RERG: variants seen among roughly 807,000 people sequenced by gnomAD.
RERG encodes ras-related and estrogen-regulated growth inhibitor.
Under a neutral mutation model 23.2 loss-of-function variants are expected in RERG, and 25 were observed. That is an observed-to-expected ratio of 1.08 (90% CI 0.79 to 1.50). RERG has a LOEUF of 1.50. Ranked by LOEUF, RERG falls within the 40% of genes most tolerant of loss-of-function variation. The pLI is 0.00. For missense variants in RERG, 253 were observed against 250.1 expected (o/e 1.01, Z -0.08); for synonymous variants, 81 against 89.1 (o/e 0.91, Z 0.51).
chr12:15,130,537 G>A (rs142397212), intron 2 of RERG, among the ~76,000 whole-genome samples: 335 of 151,532 alleles, frequency 2.2e-3, no homozygotes, highest in Non-Finnish European at 4.0e-3. Flanking sequence ...TCTATTCCCT[G>A]TGAAGGTCAA....
intron 2 of RERG, among the ~76,000 whole-genome samples, chr12:15,171,349 A>C (rs1348738928): frequency 6.6e-6 from 1 of 152,236 alleles, no homozygotes; most frequent in Admixed American, 6.5e-5. Context: ...TGAATGACTA[A>C]TTGAATAAAT....
chr12:15,149,941 A>T (rs1396657187), intron 2 of RERG, among the ~76,000 whole-genome samples: 2 of 152,236 alleles, frequency 1.3e-5, no homozygotes, highest in African/African-American at 4.8e-5. Context: ...ATGGCCTTAG[A>T]ATCCTTCCTT....
intron 2 of RERG, among the ~76,000 whole-genome samples, chr12:15,206,214 C>T (rs1865287895): frequency 6.6e-6 from 1 of 151,994 alleles, no homozygotes; most frequent in Non-Finnish European, 1.5e-5. Flanking sequence ...CAAAATTCAC[C>T]CTTCTATGAT....
At chr12:15,117,675 G>GTGCGCGCACACACACA (rs1555119494) in intron 3 of RERG, among the ~76,000 whole-genome samples, 1 of 145,020 alleles carries the variant, frequency 6.9e-6, no homozygotes, top group African/African-American at 2.8e-5. Flanking sequence ...TCACACACGC[G>GTGCGCGCACACACACA]CACACACACA....
chr12:15,211,956 C>T (rs912350876), intron 2 of RERG, among the ~76,000 whole-genome samples: 3 of 150,816 alleles, frequency 2.0e-5, no homozygotes, highest in Non-Finnish European at 1.5e-5. Flanking sequence ...CTCACATTCA[C>T]GTGGTATGCA....
At chr12:15,159,080 TCTA>T (rs1864565667) in intron 2 of RERG, among the ~76,000 whole-genome samples, 1 of 152,262 alleles carries the variant, frequency 6.6e-6, no homozygotes, top group Non-Finnish European at 1.5e-5. Flanking sequence ...TGTCATTTCT[TCTA>T]CATTTATTGG....
intron 2 of RERG, among the ~76,000 whole-genome samples, chr12:15,160,725 G>A (rs1020819737): frequency 6.6e-6 from 1 of 152,146 alleles, no homozygotes; most frequent in Non-Finnish European, 1.5e-5. Context: ...AAGAATTAAC[G>A]CAGCCCCACA....
intron 3 of RERG, chr12:15,114,447 A>G (rs1863682651): frequency 6.6e-6 from 1 of 152,214 alleles, no homozygotes; most frequent in Non-Finnish European, 1.5e-5. Context: ...AAATTCACAT[A>G]GGAGGATGCC....
chr12:15,184,893 A>G (rs1864969414), intron 2 of RERG, among the ~76,000 whole-genome samples: 2 of 152,182 alleles, frequency 1.3e-5, no homozygotes, highest in Non-Finnish European at 2.9e-5. Context: ...ATAGAGAAGG[A>G]CATTCTATTT....
chr12:15,145,099 C>T (rs7966904), intron 2 of RERG, among the ~76,000 whole-genome samples: 6,211 of 152,276 alleles, frequency 0.041, 467 homozygotes, highest in African/African-American at 0.14. Context: ...GCCATTCCTA[C>T]GTTTTAACAG....
At chr12:15,197,163 T>G (rs567390228) in intron 2 of RERG, among the ~76,000 whole-genome samples, 5 of 152,206 alleles carry the variant, frequency 3.3e-5, no homozygotes, top group African/African-American at 4.8e-5. Flanking sequence ...AAATGCCTGT[T>G]TTCTGTAACT....
chr12:15,139,747 T>A (rs534954659), intron 2 of RERG, among the ~76,000 whole-genome samples: 1 of 152,286 alleles, frequency 6.6e-6, no homozygotes, highest in South Asian at 2.1e-4. Context: ...TAGAAAATCA[T>A]ATCATTTGTG....
chr12:15,124,242 T>C (rs1863894262), intron 2 of RERG, among the ~76,000 whole-genome samples: 1 of 151,896 alleles, frequency 6.6e-6, no homozygotes, highest in African/African-American at 2.4e-5. Flanking sequence ...TTCTAAAAAT[T>C]AACCAATCTA....
At chr12:15,212,239 T>G in intron 2 of RERG, among the ~76,000 whole-genome samples, 1 of 149,504 alleles carries the variant, frequency 6.7e-6, no homozygotes, top group Non-Finnish European at 1.5e-5. Flanking sequence ...TTTTGTATTT[T>G]TAGTAGAGAC....
At chr12:15,149,866 C>T (rs774998184) in intron 2 of RERG, among the ~76,000 whole-genome samples, 2 of 152,190 alleles carry the variant, frequency 1.3e-5, no homozygotes, top group Non-Finnish European at 2.9e-5. Flanking sequence ...AGATCTCCAC[C>T]ATCCTCGTTT....
At chr12:15,196,023 C>T (rs950726510) in intron 2 of RERG, among the ~76,000 whole-genome samples, 3 of 152,090 alleles carry the variant, frequency 2.0e-5, no homozygotes, top group African/African-American at 7.2e-5. Flanking sequence ...AAAACAATAC[C>T]CCAAAGCTAG....
chr12:15,215,265 T>C (rs1565540331), intron 2 of RERG, among the ~76,000 whole-genome samples: 1 of 152,198 alleles, frequency 6.6e-6, no homozygotes, highest in African/African-American at 2.4e-5. Context: ...TCTTCAGCTT[T>C]GGGTGTGAGT....
At chr12:15,120,495 T>TA (rs5796626) in intron 3 of RERG, among the ~76,000 whole-genome samples, 140,532 of 149,286 alleles carry the variant, frequency 0.94, 66,668 homozygotes, top group Non-Finnish European at 1. Context: ...ACAAAGAAAT[T>TA]AAAAAAAAAA....
intron 2 of RERG, among the ~76,000 whole-genome samples, chr12:15,123,647 G>A (rs59480353): frequency 0.68 from 100,792 of 147,844 alleles, 34,405 homozygotes; most frequent in Admixed American, 0.75. Flanking sequence ...TAATTTTTAA[G>A]TTTATTACAT....
Sources: allele counts gnomAD v4.1 joint callset (sites outside exome capture counted in the v4.1 genomes callset), GRCh38; gene constraint gnomAD v4.1.1; transcripts MANE v1.5; gene names NCBI Gene and HGNC (gene_info 2026-07-23, HGNC 2026-07-21).